Variants in RASAL2 observed in about 807,000 individuals in gnomAD.
RASAL2 encodes the protein ras GTPase-activating protein nGAP.
Under a neutral mutation model 128.9 loss-of-function variants are expected in RASAL2, and 58 were observed. The ratio of observed to expected loss-of-function variants is 0.45; its 90% CI spans 0.36 to 0.56. The LOEUF (loss-of-function observed/expected upper bound fraction) is 0.56, where lower values mean the gene tolerates loss of function less well. Among genes scored for constraint, RASAL2 ranks in the 20% least tolerant of loss-of-function variants. The pLI is 0.00. For synonymous variants in RASAL2, 561 were observed against 580.8 expected, an observed-to-expected ratio of 0.97 and a Z score of 0.49; for missense variants, 1,360 against 1,601.6, an observed-to-expected ratio of 0.85 and a Z score of 2.57.
At chr1:178,152,756 C>A (rs958517869) in intron 1 of RASAL2, among the ~76,000 whole-genome samples, 1 of 152,100 alleles carries the variant, frequency 6.6e-6, no homozygotes, top group Non-Finnish European at 1.5e-5. Context: ...TTAATGAGTC[C>A]CATGTAACCA....
chr1:178,377,991 T>C (rs1291576859), intron 3 of RASAL2, among the ~76,000 whole-genome samples: 1 of 151,758 alleles, frequency 6.6e-6, no homozygotes, highest in African/African-American at 2.4e-5. Context: ...AATGGAATTT[T>C]TTAAACCTGA....
chr1:178,338,968 C>G (rs960659037), intron 3 of RASAL2, among the ~76,000 whole-genome samples: 1 of 152,188 alleles, frequency 6.6e-6, no homozygotes, highest in African/African-American at 2.4e-5. Context: ...TCCCAGAGTT[C>G]AGGAAAATGC....
At chr1:178,277,090 G>A (rs1482480597) in intron 1 of RASAL2, among the ~76,000 whole-genome samples, 5 of 146,698 alleles carry the variant, frequency 3.4e-5, no homozygotes, top group South Asian at 2.2e-4. Context: ...AGAGCTTGCC[G>A]TGAGCTGAGA....
At chr1:178,417,655 A>G (rs1405834572) in intron 4 of RASAL2, among the ~76,000 whole-genome samples, 1 of 149,198 alleles carries the variant, frequency 6.7e-6, no homozygotes, top group Non-Finnish European at 1.5e-5. Flanking sequence ...GCTACTCGGG[A>G]GGTTGAGGCA....
At chr1:178,460,440 T>C (rs1255980149) in intron 14 of RASAL2, among the ~76,000 whole-genome samples, 1 of 152,226 alleles carries the variant, frequency 6.6e-6, no homozygotes, top group Non-Finnish European at 1.5e-5. Context: ...TAACATTTTT[T>C]CTTTAGGAAA....
At chr1:178,204,004 G>T (rs1297123655) in intron 1 of RASAL2, among the ~76,000 whole-genome samples, 4 of 152,206 alleles carry the variant, frequency 2.6e-5, no homozygotes, top group South Asian at 4.1e-4. Context: ...AAGGCAAAGG[G>T]AATACAGAAT....
intron 4 of RASAL2, among the ~76,000 whole-genome samples, chr1:178,418,136 C>T (rs1431877688): frequency 3.3e-5 from 5 of 152,090 alleles, no homozygotes; most frequent in Non-Finnish European, 7.4e-5. Context: ...GGGTTAGAGA[C>T]ACCACCCTGC....
chr1:178,451,204 A>G (rs957824767), intron 9 of RASAL2, among the ~76,000 whole-genome samples: 1 of 152,212 alleles, frequency 6.6e-6, no homozygotes, highest in African/African-American at 2.4e-5. Context: ...TTCTTCTAGA[A>G]TAACAATAAT....
At chr1:178,142,632 C>T (rs545645024) in intron 1 of RASAL2, among the ~76,000 whole-genome samples, 356 of 152,202 alleles carry the variant, frequency 2.3e-3, no homozygotes, top group Admixed American at 3.9e-3. Context: ...TTGAGTGTTT[C>T]GTTCATTTTC....
rs118075420 is a variant in RASAL2, at chr1:178,208,116, G to A, written c.203-75448G>A. On this transcript the variant is annotated intron_variant, in intron 1 of 17. Transcript: ENST00000367649. Reference sequence around the variant, plus strand: ...GATTATTGTGTTAACTGTACAAATCGATTGTAAAATGTGTGTTTGAACAAT... The same window carrying A: ...GATTATTGTGTTAACTGTACAAATCAATTGTAAAATGTGTGTTTGAACAAT... Among the ~76,000 whole-genome samples, 516 of 152,256 alleles carry A rather than the reference G, an allele frequency of 3.4e-3. 8 individuals carry two copies. Among genetic ancestry groups the A allele is most frequent in the East Asian group, 0.031 (161 of 5,186 alleles).
At chr1:178,365,162 GCTAA>G (rs1671332320) in intron 3 of RASAL2, among the ~76,000 whole-genome samples, 1 of 151,712 alleles carries the variant, frequency 6.6e-6, no homozygotes, top group Non-Finnish European at 1.5e-5. Flanking sequence ...TACTTCTGAT[GCTAA>G]CATCCTTGTT....
intron 1 of RASAL2, among the ~76,000 whole-genome samples, chr1:178,262,359 G>A (rs150019940): frequency 2.0e-5 from 3 of 152,276 alleles, no homozygotes; most frequent in South Asian, 2.1e-4. Flanking sequence ...CACAATGAAC[G>A]TCTTGTTTGT....
intron 1 of RASAL2, among the ~76,000 whole-genome samples, chr1:178,133,973 A>G (rs1660215867): frequency 6.6e-6 from 1 of 152,230 alleles, no homozygotes; most frequent in Non-Finnish European, 1.5e-5. Flanking sequence ...TTGAGGTGCA[A>G]ACAATGTGAG....
intron 3 of RASAL2, among the ~76,000 whole-genome samples, chr1:178,329,830 A>G (rs1203102829): frequency 6.6e-6 from 1 of 151,986 alleles, no homozygotes; most frequent in Non-Finnish European, 1.5e-5. Context: ...TGGGTGACAG[A>G]GCGAGATCCT....
At chr1:178,179,883 C>T (rs190495411) in intron 1 of RASAL2, among the ~76,000 whole-genome samples, 12 of 152,108 alleles carry the variant, frequency 7.9e-5, no homozygotes, top group East Asian at 1.9e-4. Flanking sequence ...CTTGTTCGTA[C>T]GAAATAGAAA....
intron 1 of RASAL2, among the ~76,000 whole-genome samples, chr1:178,198,703 G>A (rs932675865): frequency 1.3e-5 from 2 of 152,156 alleles, no homozygotes; most frequent in Non-Finnish European, 2.9e-5. Context: ...TCTCAGAGGG[G>A]CACCTGGTTG....
At chr1:178,392,331 G>A (rs1672964162) in intron 4 of RASAL2, among the ~76,000 whole-genome samples, 1 of 152,118 alleles carries the variant, frequency 6.6e-6, no homozygotes, top group African/African-American at 2.4e-5. Context: ...CCAGGCTGTG[G>A]GAATGGCATT....
intron 1 of RASAL2, among the ~76,000 whole-genome samples, chr1:178,259,840 G>A (rs933066998): frequency 2.0e-5 from 3 of 152,042 alleles, no homozygotes; most frequent in Non-Finnish European, 4.4e-5. Flanking sequence ...CTGAGATTAC[G>A]GGGATGGGTC....
chr1:178,295,743 G>A (rs1443454154), intron 2 of RASAL2, among the ~76,000 whole-genome samples: 1 of 152,190 alleles, frequency 6.6e-6, no homozygotes, highest in Non-Finnish European at 1.5e-5. Flanking sequence ...TGCTGTTGCT[G>A]CTGGTACCTA....
Sources: gnomAD v4.1 joint callset for allele counts (sites outside exome capture counted in the v4.1 genomes callset) on GRCh38, gnomAD v4.1.1 for gene constraint, MANE v1.5 for transcripts, NCBI Gene and HGNC (gene_info 2026-07-23, HGNC 2026-07-21) for gene names.